The following CPED1 variants were observed in gnomAD, a reference collection of about 807,000 sequenced individuals.
CPED1 encodes cadherin-like and PC-esterase domain-containing protein 1.
CPED1 carries 114 observed loss-of-function variants against 128.2 expected under a neutral mutation model. That is an observed-to-expected ratio of 0.89 (90% CI 0.76 to 1.04). The LOEUF is 1.04. CPED1 is among the 50% of genes least tolerant of loss of function. The pLI, the probability that CPED1 is intolerant of heterozygous loss-of-function variation, is 0.00. For missense variants in CPED1, 1,211 were observed against 1,207.1 expected (o/e 1.00, Z -0.05); for synonymous variants, 462 against 426.7 (o/e 1.08, Z -1.02).
chr7:121,048,909 A>G (rs1793280809), intron 4 of CPED1, among the ~76,000 whole-genome samples: 2 of 152,198 alleles, frequency 1.3e-5, no homozygotes, highest in Admixed American at 6.5e-5. Context: ...TCAGATAATC[A>G]TCATCTCTTA....
chr7:121,055,416 T>C (rs892448606), intron 4 of CPED1, among the ~76,000 whole-genome samples: 4 of 151,972 alleles, frequency 2.6e-5, no homozygotes, highest in Non-Finnish European at 4.4e-5. Context: ...AATTAATTTT[T>C]TAATCTTTCT....
chr7:121,056,430 C>G (rs1398071674), intron 4 of CPED1, among the ~76,000 whole-genome samples: 2 of 152,098 alleles, frequency 1.3e-5, no homozygotes, highest in African/African-American at 4.8e-5. Context: ...GAGGCAATAC[C>G]ATTATTTTCT....
chr7:121,082,388 C>T (rs542109306), intron 5 of CPED1, among the ~76,000 whole-genome samples: 24 of 152,094 alleles, frequency 1.6e-4, no homozygotes, highest in African/African-American at 5.3e-4. Flanking sequence ...ATATAATGTG[C>T]TTTTTTGAGG....
chr7:121,004,047 A>G (rs898190680), intron 2 of CPED1, among the ~76,000 whole-genome samples: 1 of 152,182 alleles, frequency 6.6e-6, no homozygotes, highest in African/African-American at 2.4e-5. Flanking sequence ...TGGGTTTGCC[A>G]GGTATGTGCC....
At chr7:121,182,408 A>G (rs981731359) in intron 16 of CPED1, among the ~76,000 whole-genome samples, 1 of 151,726 alleles carries the variant, frequency 6.6e-6, no homozygotes, top group Admixed American at 6.6e-5. Context: ...CATTTCAGCA[A>G]CCTGCCTGCC....
rs1402943252 is a variant in CPED1, at chr7:121,266,757, T to G, written c.2582T>G (p.Val861Gly). ...CAGACTGTATTGGTTGTTGGTGGTG[T>G]TCAGTGGCTTAATTCCAATCACCTG... ...TGQTVLVVGG[V>G]QWLNSNHLQI... Residue 861 changes from valine to glycine, a missense_variant, in exon 20 of 23, where the codon GTT becomes GGT. Transcript: ENST00000310396. 6.2e-7 allele frequency: 1 copy of G among 1,613,070 alleles called. No individual in the cohort carries two copies. The highest frequency in any genetic ancestry group is 2.2e-5 in the East Asian group (1 of 44,836).
intron 3 of CPED1, among the ~76,000 whole-genome samples, chr7:121,024,670 C>A (rs1792526048): frequency 2.0e-5 from 3 of 152,048 alleles, no homozygotes; most frequent in African/African-American, 7.2e-5. Flanking sequence ...TACTTCAGGT[C>A]ATTGTTCTTT....
rs1209401237 is a variant in CPED1 at position 121,266,227 on chromosome 7, A to G, written c.2311A>G (p.Ile771Val). 1.9e-6 allele frequency: 3 copies of G among 1,603,974 alleles called. No homozygotes were observed. Among genetic ancestry groups the G allele is most frequent in the South Asian group, 2.2e-5 (2 of 90,868 alleles). Reference sequence around the variant, plus strand: ...CAAATGCTTTCTCTTTAACTTATAGATTCTGTTCATTGGAGATTCAACCAA... The same window carrying G: ...CAAATGCTTTCTCTTTAACTTATAGGTTCTGTTCATTGGAGATTCAACCAA... ...QLQQCLGGRK[I>V]LFIGDSTNRG... Residue 771 changes from isoleucine to valine, a missense_variant and splice_region_variant, in exon 19 of 23, where the codon ATT becomes GTT. Physicochemically the swap from Ile to Val is conservative, Grantham distance 29. Transcript: ENST00000310396.
At chr7:121,082,089 C>T (rs1794309095) in intron 5 of CPED1, among the ~76,000 whole-genome samples, 1 of 152,152 alleles carries the variant, frequency 6.6e-6, no homozygotes, top group African/African-American at 2.4e-5. Flanking sequence ...AGGCTTGCAG[C>T]AACCTAATTC....
chr7:121,214,510 T>TG (rs1391054807), intron 16 of CPED1, among the ~76,000 whole-genome samples: 1 of 151,996 alleles, frequency 6.6e-6, no homozygotes, highest in East Asian at 1.9e-4. Flanking sequence ...GCTAGACTGG[T>TG]CTCGAACTCC....
At chr7:121,007,146 AAGG>A (rs1315152137) in intron 2 of CPED1, among the ~76,000 whole-genome samples, 1 of 151,944 alleles carries the variant, frequency 6.6e-6, no homozygotes, top group Non-Finnish European at 1.5e-5. Flanking sequence ...TTGGGGAAGG[AAGG>A]AGCCTCACTG....
chr7:121,247,566 C>G (rs1430871430), intron 18 of CPED1, among the ~76,000 whole-genome samples: 1 of 152,156 alleles, frequency 6.6e-6, no homozygotes, highest in African/African-American at 2.4e-5. Context: ...GGTACCCAAA[C>G]ACTGGGGCTA....
chr7:121,247,536 A>G (rs1798565841), intron 18 of CPED1, among the ~76,000 whole-genome samples: 1 of 152,116 alleles, frequency 6.6e-6, no homozygotes, highest in African/African-American at 2.4e-5. Context: ...AGGAGGGAGG[A>G]GGCTGGTAAC....
intron 3 of CPED1, among the ~76,000 whole-genome samples, chr7:121,023,229 A>T (rs1195030431): frequency 2.0e-5 from 3 of 152,146 alleles, no homozygotes; most frequent in Non-Finnish European, 2.9e-5. Context: ...ACTGAAGAGA[A>T]TATTTCTGGG....
chr7:121,053,357 G>C (rs147997398), intron 4 of CPED1, among the ~76,000 whole-genome samples: 8 of 152,036 alleles, frequency 5.3e-5, no homozygotes, highest in Admixed American at 2.0e-4. Flanking sequence ...GAAGAGTACT[G>C]GTCAGGTGTT....
At chr7:121,106,055 A>G (rs1794967163) in intron 7 of CPED1, among the ~76,000 whole-genome samples, 1 of 152,152 alleles carries the variant, frequency 6.6e-6, no homozygotes, top group South Asian at 2.1e-4. Flanking sequence ...CGCATGGCAG[A>G]TGCTCAAAAA....
At chr7:121,228,501 G>T (rs933766383) in intron 16 of CPED1, among the ~76,000 whole-genome samples, 6 of 149,468 alleles carry the variant, frequency 4.0e-5, no homozygotes, top group African/African-American at 1.5e-4. Flanking sequence ...TGTTGGCAAG[G>T]ATGTGAAGAA....
At chr7:121,002,310 T>C (rs186743983) in intron 2 of CPED1, among the ~76,000 whole-genome samples, 1 of 152,294 alleles carries the variant, frequency 6.6e-6, no homozygotes, top group East Asian at 1.9e-4. Flanking sequence ...TTAACTTTTC[T>C]ATAGTAGTGA....
At chr7:121,274,031 T>G (rs1198090484) in intron 22 of CPED1, among the ~76,000 whole-genome samples, 1 of 152,198 alleles carries the variant, frequency 6.6e-6, no homozygotes, top group Non-Finnish European at 1.5e-5. Context: ...TTTATTTGTT[T>G]ATTTATTTAT....
Sources: allele counts gnomAD v4.1 joint callset (sites outside exome capture counted in the v4.1 genomes callset), GRCh38; gene constraint gnomAD v4.1.1; transcripts MANE v1.5; gene names NCBI Gene and HGNC (gene_info 2026-07-23, HGNC 2026-07-21).